The following MEIOC variants were observed in gnomAD, a reference collection of about 807,000 sequenced individuals.
MEIOC encodes meiosis specific with coiled-coil domain.
MEIOC carries 9 observed loss-of-function variants against 85.3 expected under a neutral mutation model. The observed-to-expected ratio is 0.11, with a 90% CI of 0.06 to 0.18. The LOEUF (loss-of-function observed/expected upper bound fraction) is 0.18. MEIOC is among the 10% of genes least tolerant of loss of function. The pLI is 1.00. For synonymous variants in MEIOC, 365 were observed against 393.7 expected (o/e 0.93, Z 0.86); for missense variants, 898 against 1,129.4 (o/e 0.80, Z 2.94).
intron 3 of MEIOC, among the ~76,000 whole-genome samples, chr17:44,664,890 C>G (rs1177622319): frequency 6.6e-6 from 1 of 152,090 alleles, no homozygotes; most frequent in African/African-American, 2.4e-5. Flanking sequence ...TCTAGGATGA[C>G]CATATCGCAT....
Position 44,668,047 on chromosome 17 carries a change from T to C in MEIOC, c.2136T>C (p.Tyr712=), listed in dbSNP as rs1010010912. ...PLLDSYDLLS[Y]DDLSHLYPYF... ...TGGATTCCTATGACTTACTTTCTTA[T>C]GATGACTTAAGCCATTTGTACCCTT... The change falls in exon 5 of 8, where the codon TAT becomes TAC. Residue 712 remains tyrosine, a synonymous_variant. Transcript: ENST00000409122. The C allele has an allele frequency of 3.1e-6, 5 of 1,613,380 alleles. No homozygotes were observed. Among genetic ancestry groups the C allele is most frequent in the Non-Finnish European group, 3.4e-6 (4 of 1,179,548 alleles).
rs1972057975 is a variant in MEIOC, at chr17:44,675,081, T to C, written c.*885T>C. 1.0e-6 allele frequency: 1 copy of C among 985,186 alleles called. No individual in the cohort carries two copies. Among genetic ancestry groups the C allele is most frequent in the African/African-American group, 1.7e-5 (1 of 57,234 alleles). 61.0% of individuals were successfully genotyped at this position (985,186 alleles called of 1,614,324 possible). On this transcript the variant is annotated 3_prime_UTR_variant, in exon 8 of 8. Coordinates refer to ENST00000409122, the MANE Select transcript of MEIOC (RefSeq NM_001145080.3). ...GTCACGAAGTTCTAAAATGTATTTT[T>C]TTAAAGGTTAATCTCTAACTAGTTT...
chr17:44,657,373 G>C, intron 2 of MEIOC, 112 bp downstream of exon 2: 1 of 830,304 alleles, frequency 1.2e-6, no homozygotes. Flanking sequence ...GAAAACCAGG[G>C]AAAACTTTTT....
At chr17:44,676,842 C>A, downstream of MEIOC, 1 of 501,668 alleles carries the variant, frequency 2.0e-6, no homozygotes, top group Non-Finnish European at 2.6e-6. Context: ...AAAAAATATG[C>A]CCTTTGCAAT....
At chr17:44,658,043 G>C (rs938487465) in intron 2 of MEIOC, among the ~76,000 whole-genome samples, 5 of 151,062 alleles carry the variant, frequency 3.3e-5, no homozygotes, top group Non-Finnish European at 7.4e-5. Flanking sequence ...TTAGAGACCG[G>C]GTTTCACCAT....
intron 6 of MEIOC, among the ~76,000 whole-genome samples, chr17:44,672,658 C>T (rs1273079685): frequency 3.3e-5 from 5 of 152,150 alleles, no homozygotes; most frequent in Non-Finnish European, 5.9e-5. Flanking sequence ...TTTCCATATA[C>T]TTTCCAAGTT....
At chr17:44,669,008 C>T (rs942432761) in intron 5 of MEIOC, among the ~76,000 whole-genome samples, 2 of 152,226 alleles carry the variant, frequency 1.3e-5, no homozygotes, top group Admixed American at 1.3e-4. Flanking sequence ...TGGAGACCAG[C>T]CTGGCCAACA....
At chr17:44,658,926 G>GT (rs991878845) in intron 2 of MEIOC, among the ~76,000 whole-genome samples, 3 of 151,138 alleles carry the variant, frequency 2.0e-5, no homozygotes, top group African/African-American at 4.9e-5. Flanking sequence ...ATTAAAATAT[G>GT]TTTTTTTTCG....
rs576145978 is a variant in MEIOC, at chr17:44,657,903, G to A, written c.204+642G>A. ...GTCTCCTTCTGTTGCCCAGGCTGGA[G>A]TGCAGTGGTGCGATCTCGGATCACT... On this transcript the variant is annotated intron_variant, in intron 2 of 7. Coordinates refer to ENST00000409122, the MANE Select transcript of MEIOC (RefSeq NM_001145080.3). Among the ~76,000 whole-genome samples, 3 of 152,166 alleles carry A rather than the reference G, an allele frequency of 2.0e-5. No homozygotes were observed. The South Asian group carries it at 6.2e-4, about 32-fold the overall frequency.
rs1246797541 is a variant in MEIOC, at chr17:44,669,478, T to C, written c.2418T>C (p.Val806=). 1.9e-6 allele frequency: 3 copies of C among 1,555,882 alleles called. No homozygotes were observed. Among genetic ancestry groups the C allele is most frequent in the Non-Finnish European group, 1.7e-6 (2 of 1,149,112 alleles). Residue 806 remains valine, a synonymous_variant, in exon 6 of 8, where the codon GTT becomes GTC. Transcript: ENST00000409122. ...GGCTGACTTCCAACCCATCTAGAGT[T>C]GATCGCTTAATTGTGGATGAACTTC... ...VPRLTSNPSR[V]DRLIVDELRE...
intron 2 of MEIOC, among the ~76,000 whole-genome samples, chr17:44,659,828 A>G (rs914703595): frequency 6.6e-5 from 10 of 152,236 alleles, no homozygotes; most frequent in Non-Finnish European, 1.3e-4. Context: ...TAGGAAAGAA[A>G]GATAAAAAGC....
intron 7 of MEIOC, 160 bp downstream of exon 7, chr17:44,673,706 C>A: frequency 1.3e-6 from 1 of 753,558 alleles, no homozygotes; most frequent in Non-Finnish European, 2.1e-6. Flanking sequence ...AAAAGTATTT[C>A]CATTTTATTA....
rs1409302917 is a variant in MEIOC, at chr17:44,675,483, G to A, written c.*1287G>A. The A allele has an allele frequency of 1.0e-5, 10 of 961,450 alleles. No homozygotes were observed. Among genetic ancestry groups the A allele is most frequent in the East Asian group, 2.3e-4 (2 of 8,648 alleles). 59.6% of individuals were successfully genotyped at this position (961,450 alleles called of 1,614,324 possible). A position where few individuals can be genotyped will look rare whatever the true frequency, so the allele number is the denominator to read the frequency against. On this transcript the variant is annotated 3_prime_UTR_variant, in exon 8 of 8. Transcript: ENST00000409122. ...AAACACTGATGTTTTAAATGTTAGTGTTTTTCTTAGTTTTAGAAATTCTGG... is the reference window on the plus strand; with the variant it reads ...AAACACTGATGTTTTAAATGTTAGTATTTTTCTTAGTTTTAGAAATTCTGG...
chr17:44,662,542 G>A (rs1331257218), intron 3 of MEIOC, 71 bp downstream of exon 3: 1 of 1,083,948 alleles, frequency 9.2e-7, no homozygotes, highest in African/African-American at 1.6e-5. Flanking sequence ...GAGGTTATTT[G>A]CTCTCTGTTC....
At chr17:44,664,317 G>A (rs372126496) in intron 3 of MEIOC, among the ~76,000 whole-genome samples, 2 of 152,232 alleles carry the variant, frequency 1.3e-5, no homozygotes, top group African/African-American at 4.8e-5. Flanking sequence ...AGCAGAGATC[G>A]CGCCATTGCA....
chr17:44,665,472 C>A lies in MEIOC; in HGVS notation c.448C>A (p.Pro150Thr). 4 of 1,540,732 alleles carry A rather than the reference C, an allele frequency of 2.6e-6. No homozygotes were observed. Among genetic ancestry groups the A allele is most frequent in the Non-Finnish European group, 3.5e-6 (4 of 1,140,474 alleles). ...TTTGGAAGAACAAGATAAGTCACAG[C>A]CATATTTTGCTGAAGGGTTAGTATA... ...NILEEQDKSQPYFAEGTCSSN... is the reference protein window; with the variant it reads ...NILEEQDKSQTYFAEGTCSSN... Residue 150 changes from proline (P) to threonine (T), a missense_variant, in exon 4 of 8, where the codon CCA becomes ACA. Physicochemically the swap from Pro to Thr is conservative, Grantham distance 38. Coordinates refer to ENST00000409122, the MANE Select transcript of MEIOC (RefSeq NM_001145080.3).
chr17:44,668,106 C>G lies in MEIOC; in HGVS notation c.2195C>G (p.Ser732Cys). ...FNMMYGDNSF[S>C]GLMPTFGFQR... The stretch of plus-strand genomic sequence containing the variant: ...ATGATGTATGGTGATAATTCTTTTT[C>G]TGGTCTCATGCCAACTTTTGGATTT... Residue 732 changes from serine (S) to cysteine (C), a missense_variant, in exon 5 of 8, where the codon TCT becomes TGT. Ser to Cys is a moderately radical substitution (Grantham distance 112, BLOSUM62 -1). This residue lies in a region of MEIOC where 734 missense variants were observed against 860.1 expected (regional missense o/e 0.85). Transcript: ENST00000409122. 3 of 1,613,718 alleles carry G rather than the reference C, an allele frequency of 1.9e-6. No individual in the cohort carries two copies. Among genetic ancestry groups the G allele is most frequent in the Non-Finnish European group, 2.5e-6 (3 of 1,179,734 alleles).
In MEIOC at chr17:44,662,434, AAAC is replaced by A. The variant is rs1225465008; in HGVS notation, c.326_328del (p.Gln109del). ...ATGGTCTACTTATGGAGATGACATTAAACAACCTTCTAATTCTCAGATCAGTAT... is the reference window on the plus strand; with the variant it reads ...ATGGTCTACTTATGGAGATGACATTAAACCTTCTAATTCTCAGATCAGTAT... On this transcript the variant is annotated inframe_deletion, in exon 3 of 8. Coordinates refer to ENST00000409122, the MANE Select transcript of MEIOC (RefSeq NM_001145080.3). 3 of 1,547,192 alleles carry A rather than the reference AAAC, an allele frequency of 1.9e-6. No homozygotes were observed. The South Asian group carries it at 3.6e-5, about 19-fold the overall frequency.
At chr17:44,669,614 C>T (rs1420281367) in intron 6 of MEIOC, 97 bp downstream of exon 6, 2 of 1,259,682 alleles carry the variant, frequency 1.6e-6, no homozygotes, top group East Asian at 2.6e-5. Context: ...AATCCCACCA[C>T]TTTGGGAGGC....
Sources: allele counts gnomAD v4.1 joint callset (sites outside exome capture counted in the v4.1 genomes callset), GRCh38; gene constraint gnomAD v4.1.1; regional missense constraint gnomAD v4.1.1; transcripts MANE v1.5; gene names NCBI Gene and HGNC (gene_info 2026-07-23, HGNC 2026-07-21).